The following GLB1 variants were observed in gnomAD, a reference collection of about 807,000 sequenced individuals.
GLB1 encodes galactosidase beta 1.
A neutral mutation model predicts 74.0 loss-of-function variants in GLB1; 56 were observed. The ratio of observed to expected loss-of-function variants is 0.76; its 90% confidence interval spans 0.61 to 0.94. The LOEUF (loss-of-function observed/expected upper bound fraction) is 0.94. Among genes scored for constraint, GLB1 ranks in the 40% least tolerant of loss-of-function variants. GLB1 has a pLI of 0.00. For synonymous variants in GLB1, 323 were observed against 323.6 expected (o/e 1.00, Z 0.02); for missense variants, 787 against 845.5 (o/e 0.93, Z 0.86).
At chr3:33,018,904 A>G (rs1398203531) in intron 12 of GLB1, among the ~76,000 whole-genome samples, 2 of 152,174 alleles carry the variant, frequency 1.3e-5, no homozygotes, top group Non-Finnish European at 2.9e-5. Context: ...AGCTCCAAAA[A>G]CAAAACTAAG....
chr3:33,067,865 T>C (rs2125547250), intron 4 of GLB1, among the ~76,000 whole-genome samples: 1 of 152,240 alleles, frequency 6.6e-6, no homozygotes, highest in South Asian at 2.1e-4. Flanking sequence ...CCCCTTTTGA[T>C]ATAAATTGTT....
intron 12 of GLB1, among the ~76,000 whole-genome samples, chr3:33,020,847 C>T (rs907407434): frequency 4.6e-5 from 7 of 152,064 alleles, no homozygotes; most frequent in Non-Finnish European, 1.0e-4. Context: ...TGTGGAGTGA[C>T]ATGGTGCTGA....
chr3:33,006,676 G>A (rs1575402542), intron 15 of GLB1, among the ~76,000 whole-genome samples: 1 of 152,298 alleles, frequency 6.6e-6, no homozygotes, highest in East Asian at 1.9e-4. Flanking sequence ...TTCACATCTG[G>A]CATTAACCAG....
chr3:33,001,760 A>G (rs1696580764), intron 15 of GLB1, among the ~76,000 whole-genome samples: 1 of 152,202 alleles, frequency 6.6e-6, no homozygotes, highest in Admixed American at 6.5e-5. Flanking sequence ...CTGCCAAGAA[A>G]AGATTCGTTG....
chr3:33,021,490 T>C (rs1697480385), intron 12 of GLB1, 76 bp downstream of exon 12: 1 of 1,498,880 alleles, frequency 6.7e-7, no homozygotes, highest in Non-Finnish European at 9.2e-7. Context: ...GAATTCAGAA[T>C]GGGCACTGCA....
chr3:33,014,042 A>G lies in GLB1; in HGVS notation c.1734+14T>C. 6.2e-7 allele frequency: 1 copy of G among 1,614,162 alleles called. No homozygotes were observed. The highest frequency in any genetic ancestry group is 8.5e-7 in the Non-Finnish European group (1 of 1,180,026). On this transcript the variant is annotated intron_variant, in intron 15 of 15. Coordinates refer to ENST00000307363, the MANE Select transcript of GLB1 (RefSeq NM_000404.4). Reference sequence around the variant, plus strand: ...TTAGGCCTGAATTCAAACCCTTCCCATGAAGACACGTACCTTGGTCCATCC... The same window carrying G: ...TTAGGCCTGAATTCAAACCCTTCCCGTGAAGACACGTACCTTGGTCCATCC...
At chr3:32,969,377 A>C in the GLB1 span, among the ~76,000 whole-genome samples, 3 of 152,250 alleles carry the variant, frequency 2.0e-5, no homozygotes, top group African/African-American at 7.2e-5. Context: ...AACCGCTGGA[A>C]GTAAAGAAAT....
In GLB1 at chr3:33,093,493, C is replaced by A; in HGVS notation, c.75+3518G>T. The A allele has an allele frequency of 2.5e-6, 4 of 1,614,222 alleles. No individual in the cohort carries two copies. Among genetic ancestry groups the A allele is most frequent in the Non-Finnish European group, 3.4e-6 (4 of 1,180,044 alleles). On this transcript the variant is annotated intron_variant, in intron 1 of 15. Coordinates refer to ENST00000307363, the MANE Select transcript of GLB1 (RefSeq NM_000404.4). The surrounding 1 kb of genome is among the most constrained non-coding windows in gnomAD (Gnocchi z 6.0). Reference sequence around the variant, plus strand: ...ATCACCGTGATGTCTGGTTCCAGCACATTCACCATCCTCACAAACATTTCC... The same window carrying A: ...ATCACCGTGATGTCTGGTTCCAGCAAATTCACCATCCTCACAAACATTTCC...
At chr3:33,042,317 T>C (rs1333121444) in intron 10 of GLB1, among the ~76,000 whole-genome samples, 1 of 150,614 alleles carries the variant, frequency 6.6e-6, no homozygotes, top group Non-Finnish European at 1.5e-5. Flanking sequence ...TAATGGCCTG[T>C]AATGCTCCAT....
At position 33,044,892 on chromosome 3, in the gene GLB1, C is replaced by T. The variant is rs894717575; in HGVS notation, c.1068+1228G>A. ...AAACCCCACCTAGGTGCATTAGGTGCCTCAAAAGGGTACAACGCTAGCAGG... is the reference window on the plus strand; with the variant it reads ...AAACCCCACCTAGGTGCATTAGGTGTCTCAAAAGGGTACAACGCTAGCAGG... On this transcript the variant is annotated intron_variant, in intron 10 of 15. Transcript: ENST00000307363. Among the ~76,000 whole-genome samples, 8 of 152,194 alleles carry T rather than the reference C, an allele frequency of 5.3e-5. 1 individual carries two copies. Among genetic ancestry groups the T allele is most frequent in the Admixed American group, 4.6e-4 (7 of 15,278 alleles).
chr3:33,074,392 G>GAAAGAAAGAA (rs1700028959), intron 1 of GLB1, among the ~76,000 whole-genome samples: 11 of 119,312 alleles, frequency 9.2e-5, no homozygotes, highest in East Asian at 2.0e-4. Context: ...AAGGAAGGAA[G>GAAAGAAAGAA]AAAGAAAGAA....
chr3:33,021,565 C>G lies in GLB1; in HGVS notation c.1233+1G>C, dbSNP rs1553606984. 1 of 1,613,488 alleles carries G rather than the reference C, an allele frequency of 6.2e-7. No individual in the cohort carries two copies. On this transcript the variant is annotated splice_donor_variant, in intron 12 of 15. Coordinates refer to ENST00000307363, the MANE Select transcript of GLB1 (RefSeq NM_000404.4). LOFTEE classifies it high-confidence loss of function. ...GCGAGGCATTACCTTTGAAGGCCTA[C>G]CTGTTTCACCTGGATAAATGTCAAG...
intron 5 of GLB1, among the ~76,000 whole-genome samples, chr3:33,063,983 C>T (rs1241070053): frequency 1.3e-5 from 2 of 152,062 alleles, no homozygotes; most frequent in South Asian, 2.1e-4. Flanking sequence ...CAAAGCAGTG[C>T]CCATGCTCCC....
In GLB1 at chr3:33,093,017, A is replaced by G; in HGVS notation, c.75+3994T>C. ...CGTTCAAGGGGAAGATCTGCCCAGCATGTGTGTGCCCAGAAAGGATCAGGT... is the reference window on the plus strand; with the variant it reads ...CGTTCAAGGGGAAGATCTGCCCAGCGTGTGTGTGCCCAGAAAGGATCAGGT... On this transcript the variant is annotated intron_variant, in intron 1 of 15. Coordinates refer to ENST00000307363, the MANE Select transcript of GLB1 (RefSeq NM_000404.4). This position sits in a 1 kb window ranked among gnomAD's most constrained non-coding sequence, Gnocchi z 6.0. 11 of 1,614,224 alleles carry G rather than the reference A, an allele frequency of 6.8e-6. No homozygotes were observed. Among genetic ancestry groups the G allele is most frequent in the Non-Finnish European group, 9.3e-6 (11 of 1,180,042 alleles).
chr3:33,034,017 A>G lies in GLB1; in HGVS notation c.1069-9692T>C, dbSNP rs78345371. On this transcript the variant is annotated intron_variant, in intron 10 of 15. Transcript: ENST00000307363. ...AACAGAGGGCAGATCCTCATTGCCAACCTCAGAAGTCATGAGAGTCCTATG... is the reference window on the plus strand; with the variant it reads ...AACAGAGGGCAGATCCTCATTGCCAGCCTCAGAAGTCATGAGAGTCCTATG... 4.2e-3 allele frequency: 2,307 copies of G among 545,318 alleles called. 45 individuals are homozygous for G. The highest frequency in any genetic ancestry group is 0.039 in the African/African-American group (2,043 of 52,816). The allele number at this position is 545,318 out of a possible 1,614,324, so 33.8% of individuals were successfully genotyped here. A position where few individuals can be genotyped will look rare whatever the true frequency, so the allele number is the denominator to read the frequency against.
At chr3:33,035,263 C>T (rs998228567) in intron 10 of GLB1, among the ~76,000 whole-genome samples, 3 of 151,922 alleles carry the variant, frequency 2.0e-5, no homozygotes, top group Admixed American at 6.6e-5. Context: ...GAGACTCCAT[C>T]GCTACAAAAA....
At chr3:32,970,865 T>G in the GLB1 span, among the ~76,000 whole-genome samples, 1 of 152,094 alleles carries the variant, frequency 6.6e-6, no homozygotes, top group African/African-American at 2.4e-5. Flanking sequence ...TGGTTTGAGG[T>G]TCATATTAAA....
intron 9 of GLB1, among the ~76,000 whole-genome samples, chr3:33,050,278 A>G (rs1473026742): frequency 6.6e-6 from 1 of 152,256 alleles, no homozygotes; most frequent in Non-Finnish European, 1.5e-5. Context: ...CATATGACAC[A>G]GCCGTTCCAC....
At chr3:32,978,473 T>C in the GLB1 span, among the ~76,000 whole-genome samples, 1 of 152,188 alleles carries the variant, frequency 6.6e-6, no homozygotes, top group Admixed American at 6.5e-5. Context: ...GAGGGATTCA[T>C]GGGACTCTGA....
Sources: gnomAD v4.1 joint callset for allele counts (sites outside exome capture counted in the v4.1 genomes callset) on GRCh38, gnomAD v4.1.1 for gene constraint, Gnocchi (gnomAD v3.1) non-coding constraint, MANE v1.5 for transcripts, NCBI Gene and HGNC (gene_info 2026-07-23, HGNC 2026-07-21) for gene names.